The following NRG3 variants were observed in gnomAD, a reference collection of about 807,000 sequenced individuals.
NRG3 encodes the protein pro-neuregulin-3, membrane-bound isoform.
NRG3 carries 31 observed loss-of-function variants against 66.9 expected under a neutral mutation model. The ratio of observed to expected loss-of-function variants is 0.46; its 90% CI spans 0.35 to 0.63. NRG3 has a LOEUF of 0.63. Ranked by LOEUF, NRG3 falls within the 20% of genes least tolerant of loss-of-function variation. The probability of loss-of-function intolerance (pLI) is 0.00; values close to 1 mark genes in which losing one functional copy is unlikely to be tolerated. For synonymous variants in NRG3, 393 were observed against 359.4 expected, an observed-to-expected ratio of 1.09 and a Z score of -1.06; for missense variants, 910 against 878.9, an observed-to-expected ratio of 1.04 and a Z score of -0.45.
chr10:82,857,766 A>C (rs2063889989), intron 3 of NRG3, among the ~76,000 whole-genome samples: 1 of 152,228 alleles, frequency 6.6e-6, no homozygotes, highest in Non-Finnish European at 1.5e-5. Context: ...ATAAATCTAA[A>C]ATTAAATATA....
At chr10:81,894,696 T>C (rs1589377388) in intron 1 of NRG3, among the ~76,000 whole-genome samples, 1 of 152,242 alleles carries the variant, frequency 6.6e-6, no homozygotes, top group Middle Eastern at 3.4e-3. Flanking sequence ...AGACAGTGCA[T>C]GGAGACTGCC....
At chr10:82,162,426 T>C (rs1332718771) in intron 1 of NRG3, among the ~76,000 whole-genome samples, 1 of 152,178 alleles carries the variant, frequency 6.6e-6, no homozygotes, top group Admixed American at 6.6e-5. Flanking sequence ...TGCTCTGCCA[T>C]CATTTTGTCA....
chr10:82,355,852 G>A (rs1267506346), intron 1 of NRG3, among the ~76,000 whole-genome samples: 1 of 152,088 alleles, frequency 6.6e-6, no homozygotes, highest in African/African-American at 2.4e-5. Context: ...ATTGATAATT[G>A]CAGTTATTTA....
intron 1 of NRG3, among the ~76,000 whole-genome samples, chr10:82,005,640 A>G (rs1024518258): frequency 1.3e-5 from 2 of 152,128 alleles, no homozygotes; most frequent in African/African-American, 4.8e-5. Flanking sequence ...TTTTTCTGCA[A>G]TGCTTTTTAG....
chr10:82,221,759 G>C (rs2075956001), intron 1 of NRG3, among the ~76,000 whole-genome samples: 1 of 152,170 alleles, frequency 6.6e-6, no homozygotes, highest in South Asian at 2.1e-4. Flanking sequence ...TCTTCTGCCT[G>C]AGACTCAGGA....
At chr10:82,675,310 G>C (rs1046615234) in intron 2 of NRG3, among the ~76,000 whole-genome samples, 5 of 152,076 alleles carry the variant, frequency 3.3e-5, no homozygotes, top group Admixed American at 6.6e-5. Context: ...CTAGACAATG[G>C]TTGTTTGTTG....
rs187361388 is a variant in NRG3, at chr10:82,881,549, A to G, written c.1054+16112A>G. On this transcript the variant is annotated intron_variant, in intron 4 of 8. Coordinates refer to ENST00000372141, the MANE Select transcript of NRG3 (RefSeq NM_001010848.4). ...ACTGTATCATAGAAGTGATTCAATG[A>G]TTCTGCTTTTCTATTTCTGTGAGAA... Among the ~76,000 whole-genome samples, 9 of 152,288 alleles carry G rather than the reference A, an allele frequency of 5.9e-5. No homozygotes were observed. In the East Asian group the frequency reaches 1.2e-3, roughly 20 times the overall value.
At chr10:82,652,567 G>A (rs1215759575) in intron 2 of NRG3, among the ~76,000 whole-genome samples, 1 of 152,110 alleles carries the variant, frequency 6.6e-6, no homozygotes, top group Non-Finnish European at 1.5e-5. Context: ...ACATCTAGCT[G>A]CTTCTCTTCT....
At chr10:81,965,724 G>A (rs1250646749) in intron 1 of NRG3, among the ~76,000 whole-genome samples, 1 of 152,122 alleles carries the variant, frequency 6.6e-6, no homozygotes, top group Non-Finnish European at 1.5e-5. Context: ...AATGGAAAGT[G>A]TGAATTTTTT....
intron 1 of NRG3, among the ~76,000 whole-genome samples, chr10:82,305,858 C>T (rs535344364): frequency 6.6e-6 from 1 of 152,092 alleles, no homozygotes; most frequent in Non-Finnish European, 1.5e-5. Flanking sequence ...CATTTTCTAA[C>T]TGACTGCTAC....
chr10:82,505,271 T>A (rs947064967), intron 2 of NRG3, among the ~76,000 whole-genome samples: 2 of 152,256 alleles, frequency 1.3e-5, no homozygotes, highest in Non-Finnish European at 2.9e-5. Context: ...TGTTCACTGA[T>A]GTGCCATGTG....
chr10:82,807,059 A>AGAAAGTCAC (rs1421071428), intron 3 of NRG3, among the ~76,000 whole-genome samples: 4 of 152,208 alleles, frequency 2.6e-5, no homozygotes, highest in Admixed American at 2.6e-4. Context: ...TGGTTATTGG[A>AGAAAGTCAC]CATAAATGTC....
At chr10:82,255,302 G>A (rs1341985683) in intron 1 of NRG3, among the ~76,000 whole-genome samples, 2 of 152,108 alleles carry the variant, frequency 1.3e-5, no homozygotes, top group Non-Finnish European at 2.9e-5. Flanking sequence ...ACAGCCAAGG[G>A]GAGGCTAAGG....
chr10:82,309,434 T>A (rs1237533056), intron 1 of NRG3, among the ~76,000 whole-genome samples: 1 of 151,996 alleles, frequency 6.6e-6, no homozygotes, highest in East Asian at 1.9e-4. Context: ...TTGAGGGTGA[T>A]TATACTTCAT....
At chr10:82,518,898 A>G (rs148661026) in intron 2 of NRG3, among the ~76,000 whole-genome samples, 95 of 152,324 alleles carry the variant, frequency 6.2e-4, no homozygotes, top group Admixed American at 1.9e-3. Flanking sequence ...AATGCCTCTC[A>G]TAACACCAAG....
chr10:81,984,230 A>C (rs2060439062), intron 1 of NRG3, among the ~76,000 whole-genome samples: 1 of 152,214 alleles, frequency 6.6e-6, no homozygotes, highest in Non-Finnish European at 1.5e-5. Context: ...ATTTTAAGCC[A>C]CTGAAGGTTG....
chr10:81,984,090 A>G (rs548845064), intron 1 of NRG3, among the ~76,000 whole-genome samples: 8 of 152,328 alleles, frequency 5.3e-5, no homozygotes, highest in African/African-American at 1.9e-4. Context: ...GGCAGCCACT[A>G]AAAAGCAGGG....
chr10:82,985,055 C>T (rs781776275), intron 8 of NRG3, 43 bp from the exon 9 acceptor site: 1 of 1,591,382 alleles, frequency 6.3e-7, no homozygotes, highest in Admixed American at 1.7e-5. Flanking sequence ...TCTAACAAAG[C>T]CTGGTAGAAA....
At chr10:82,859,511 C>T (rs989544143) in intron 3 of NRG3, among the ~76,000 whole-genome samples, 1 of 152,152 alleles carries the variant, frequency 6.6e-6, no homozygotes, top group African/African-American at 2.4e-5. Flanking sequence ...ACGATGTTTT[C>T]GCTTGCTCTG....
Sources: allele counts gnomAD v4.1 joint callset (sites outside exome capture counted in the v4.1 genomes callset), GRCh38; gene constraint gnomAD v4.1.1; transcripts MANE v1.5; gene names NCBI Gene and HGNC (gene_info 2026-07-23, HGNC 2026-07-21).